The following CACNA1G variants were observed in gnomAD, a reference collection of about 807,000 sequenced individuals.
CACNA1G encodes calcium voltage-gated channel subunit alpha1 G, also known as voltage-dependent T-type calcium channel subunit alpha-1G.
In CACNA1G, 67 loss-of-function variants were observed where a neutral mutation model predicts 219.4. The observed-to-expected ratio is 0.31, with a 90% CI of 0.25 to 0.37. The LOEUF (loss-of-function observed/expected upper bound fraction) is 0.37, where lower values mean the gene tolerates loss of function less well. Among genes scored for constraint, CACNA1G ranks in the 10% least tolerant of loss-of-function variants. The pLI, the probability that CACNA1G is intolerant of heterozygous loss-of-function variation, is 1.00. For synonymous variants in CACNA1G, 1,296 were observed against 1,345.3 expected (o/e 0.96, Z 0.80); for missense variants, 2,380 against 3,231.4 (o/e 0.74, Z 6.39).
chr17:50,567,744 T>C (rs1027418713), intron 1 of CACNA1G, among the ~76,000 whole-genome samples: 1 of 152,200 alleles, frequency 6.6e-6, no homozygotes, highest in African/African-American at 2.4e-5. Flanking sequence ...GAAAATAGGA[T>C]ACTTGGTCAT....
At position 50,603,155 on chromosome 17, in the gene CACNA1G, C is replaced by T. The variant is rs2047113374; in HGVS notation, c.4125C>T (p.Gly1375=). The T allele has an allele frequency of 1.2e-6, 2 of 1,611,308 alleles. No individual in the cohort carries two copies. Among genetic ancestry groups the T allele is most frequent in the Non-Finnish European group, 1.7e-6 (2 of 1,179,782 alleles). Residue 1375 remains glycine, a synonymous_variant, in exon 21 of 38, where the codon GGC becomes GGT. Coordinates refer to ENST00000359106, the MANE Select transcript of CACNA1G (RefSeq NM_018896.5). The surrounding 1 kb of genome is among the most constrained non-coding windows in gnomAD (Gnocchi z 6.4). ...MVSDSGTKIL[G]MLRVLRLLRT... Reference sequence around the variant, plus strand: ...CTGACAGCGGCACCAAGATCCTGGGCATGCTGAGGGTGCTGCGGCTGCTGC... The same window carrying T: ...CTGACAGCGGCACCAAGATCCTGGGTATGCTGAGGGTGCTGCGGCTGCTGC...
intron 36 of CACNA1G, 127 bp downstream of exon 36, chr17:50,624,202 T>C: frequency 7.6e-7 from 1 of 1,314,142 alleles, no homozygotes; most frequent in Non-Finnish European, 1.1e-6. Flanking sequence ...CAGGGGAGCC[T>C]CCAGCCTGGG....
At chr17:50,614,702 G>C (rs1264648558) in intron 26 of CACNA1G, among the ~76,000 whole-genome samples, 1 of 152,252 alleles carries the variant, frequency 6.6e-6, no homozygotes, top group East Asian at 1.9e-4. Context: ...AACTGGGTGA[G>C]TCCAACAGGT....
intron 9 of CACNA1G, among the ~76,000 whole-genome samples, chr17:50,581,345 C>T (rs150773411): frequency 2.7e-4 from 41 of 151,992 alleles, no homozygotes; most frequent in African/African-American, 9.4e-4. Context: ...GGCTTCCCTG[C>T]GGTGCCCTTA....
chr17:50,599,806 C>T lies in CACNA1G; in HGVS notation c.3637C>T (p.Arg1213Trp), dbSNP rs528237932. The T allele has an allele frequency of 2.7e-5, 44 of 1,611,968 alleles. No individual in the cohort carries two copies. Among genetic ancestry groups the T allele is most frequent in the African/African-American group, 9.3e-5 (7 of 75,074 alleles). ...TTCAGGGCGCCTGGCCCGGGCCCTG[C>T]GGCCTGATGACCCCCCACTGGATGG... ...SASGRLARAL[R>W]PDDPPLDGDD... The change falls in exon 17 of 38, where the codon CGG becomes TGG. Residue 1213 changes from arginine to tryptophan, a missense_variant. By Grantham distance (101) the Arg-to-Trp change is moderately radical. Around this residue, in one of 17 missense-constraint regions of CACNA1G, gnomAD observed 418 missense variants for 434.3 expected, o/e 0.96. Transcript: ENST00000359106.
Position 50,591,912 on chromosome 17 carries a change from C to T in CACNA1G, c.2755-25C>T, listed in dbSNP as rs1308245787. 3.7e-6 allele frequency: 6 copies of T among 1,613,800 alleles called. No homozygotes were observed. In the African/African-American group the frequency reaches 8.0e-5, roughly 22 times the overall value. On this transcript the variant is annotated intron_variant, in intron 12 of 37. Transcript: ENST00000359106. Reference sequence around the variant, plus strand: ...GCCGTCAGGTGCCCCTAGTATAGGCCCTGATTCCTGTCTTCTGCCCGCAGA... The same window carrying T: ...GCCGTCAGGTGCCCCTAGTATAGGCTCTGATTCCTGTCTTCTGCCCGCAGA...
At chr17:50,565,382 T>TGAA (rs1555632629) in intron 1 of CACNA1G, among the ~76,000 whole-genome samples, 1 of 113,390 alleles carries the variant, frequency 8.8e-6, no homozygotes, top group Non-Finnish European at 1.8e-5. Context: ...GCTTGTGGGG[T>TGAA]GGGGCGGGGG....
intron 36 of CACNA1G, 36 bp from the exon 37 acceptor site, chr17:50,624,324 T>TGCCCCCC: frequency 1.7e-6 from 2 of 1,177,658 alleles, no homozygotes; most frequent in Non-Finnish European, 2.4e-6. Context: ...CTCCATTCTC[T>TGCCCCCC]CCCCCCACCC....
At chr17:50,567,564 C>T (rs528984141) in intron 1 of CACNA1G, among the ~76,000 whole-genome samples, 1 of 152,252 alleles carries the variant, frequency 6.6e-6, no homozygotes, top group African/African-American at 2.4e-5. Context: ...AAGATTCCAC[C>T]TGCTCTGGGC....
rs1255830669 is a variant in CACNA1G at position 50,606,878 on chromosome 17, T to G, written c.4423-22T>G. On this transcript the variant is annotated intron_variant, in intron 23 of 37. Coordinates refer to ENST00000359106, the MANE Select transcript of CACNA1G (RefSeq NM_018896.5). ...CCACACATCCTAGACTTCAAATGTC[T>G]CCTTCTCCTCCTCCCCATCAGGCCC... 8 of 1,582,514 alleles carry G rather than the reference T, an allele frequency of 5.1e-6. No homozygotes were observed. The Admixed American group carries it at 6.7e-5, about 13-fold the overall frequency.
intron 26 of CACNA1G, among the ~76,000 whole-genome samples, chr17:50,615,131 G>T (rs1813582099): frequency 6.6e-6 from 1 of 152,144 alleles, no homozygotes; most frequent in African/African-American, 2.4e-5. Context: ...GGCTCTGCAT[G>T]TCCTGATCCA....
At chr17:50,566,705 G>T (rs546293468) in intron 1 of CACNA1G, among the ~76,000 whole-genome samples, 1 of 152,330 alleles carries the variant, frequency 6.6e-6, no homozygotes, top group Admixed American at 6.5e-5. Context: ...CTTATTGATT[G>T]GTTGATTCGT....
intron 23 of CACNA1G, chr17:50,606,312 G>C (rs2047955431): frequency 1.5e-6 from 1 of 668,734 alleles, no homozygotes; most frequent in South Asian, 1.6e-5. Flanking sequence ...GGAGCAGGAA[G>C]CACACGTGGC....
chr17:50,621,753 G>A lies in CACNA1G; in HGVS notation c.6019G>A (p.Asp2007Asn). Residue 2007 changes from aspartate (D) to asparagine (N), a missense_variant, in exon 35 of 38, where the codon GAT becomes AAT. By Grantham distance (23) the Asp-to-Asn change is conservative. Transcript: ENST00000359106. The surrounding 1 kb of genome is among the most constrained non-coding windows in gnomAD (Gnocchi z 4.6). ...SLALTDDSLPDDMHTLLLSAL... is the reference protein window; with the variant it reads ...SLALTDDSLPNDMHTLLLSAL... ...AGCTCTGACGGATGACTCTTTGCCT[G>A]ATGACATGCACACACTCTTACTTAG... 6.2e-7 allele frequency: 1 copy of A among 1,613,970 alleles called. No individual in the cohort carries two copies. The highest frequency in any genetic ancestry group is 8.5e-7 in the Non-Finnish European group (1 of 1,179,872).
intron 7 of CACNA1G, among the ~76,000 whole-genome samples, chr17:50,575,245 T>C (rs1033922148): frequency 2.6e-5 from 4 of 152,130 alleles, no homozygotes; most frequent in Admixed American, 2.6e-4. Flanking sequence ...GATAACACCA[T>C]GTTCAATAGC....
In CACNA1G at chr17:50,581,553, G is replaced by A. The variant is rs149489134; in HGVS notation, c.2301+2989G>A. Among the ~76,000 whole-genome samples the A allele has an allele frequency of 3.0e-3, 456 of 152,102 alleles. 1 individual carries two copies. Among genetic ancestry groups the A allele is most frequent in the Non-Finnish European group, 5.1e-3 (350 of 67,988 alleles). The stretch of plus-strand genomic sequence containing the variant: ...CGCTTGTCCCGTCCCCCCAACCTGC[G>A]CTACCCCACCATCCTCCTGACTGAG... On this transcript the variant is annotated intron_variant, in intron 9 of 37. Transcript: ENST00000359106.
intron 26 of CACNA1G, among the ~76,000 whole-genome samples, chr17:50,613,747 C>T (rs752172000): frequency 7.9e-5 from 12 of 152,194 alleles, no homozygotes; most frequent in East Asian, 1.9e-4. Flanking sequence ...GAAAATGTTC[C>T]GGCTGCTCAG....
chr17:50,615,639 C>T, intron 27 of CACNA1G, 127 bp downstream of exon 27: 1 of 952,942 alleles, frequency 1.0e-6, no homozygotes, highest in Non-Finnish European at 1.5e-6. Flanking sequence ...ACATGGGTTC[C>T]TCTTGTGCCC....
At position 50,576,199 on chromosome 17, in the gene CACNA1G, G is replaced by A. The variant is rs766227746; in HGVS notation, c.1797G>A (p.Pro599=). ...CCACCGTGCACACCAGCCCTCCACCGGAGACGCTGAAGGAGAAGGCACTAG... is the reference window on the plus strand; with the variant it reads ...CCACCGTGCACACCAGCCCTCCACCAGAGACGCTGAAGGAGAAGGCACTAG... ...VYPTVHTSPP[P]ETLKEKALVE... Residue 599 remains proline, a synonymous_variant, in exon 8 of 38, where the codon CCG becomes CCA. Transcript: ENST00000359106. 9.9e-6 allele frequency: 16 copies of A among 1,609,376 alleles called. No individual in the cohort carries two copies. Among genetic ancestry groups the A allele is most frequent in the African/African-American group, 5.3e-5 (4 of 74,974 alleles).
Sources: gnomAD v4.1 joint callset for allele counts (sites outside exome capture counted in the v4.1 genomes callset) on GRCh38, gnomAD v4.1.1 for gene constraint, gnomAD v4.1.1 regional missense constraint, Gnocchi (gnomAD v3.1) non-coding constraint, MANE v1.5 for transcripts, NCBI Gene and HGNC (gene_info 2026-07-23, HGNC 2026-07-21) for gene names.